The following PAX7 variants were observed in gnomAD, a reference collection of about 807,000 sequenced individuals.
PAX7 encodes the protein paired box protein Pax-7.
PAX7 carries 18 observed loss-of-function variants against 50.7 expected under a neutral mutation model. That is an observed-to-expected ratio of 0.36 (90% CI 0.25 to 0.53). The LOEUF (loss-of-function observed/expected upper bound fraction) is 0.53, where lower values mean the gene tolerates loss of function less well. Ranked by LOEUF, PAX7 falls within the 20% of genes least tolerant of loss-of-function variation. The pLI, the probability that PAX7 is intolerant of heterozygous loss-of-function variation, is 0.93. For synonymous variants in PAX7, 310 were observed against 290.4 expected (o/e 1.07, Z -0.69); for missense variants, 644 against 702.9 (o/e 0.92, Z 0.95).
rs2088969264 is a variant in PAX7, at chr1:18,686,024, C to T, written c.587-5730C>T. Among the ~76,000 whole-genome samples, 3 of 152,234 alleles carry T rather than the reference C, an allele frequency of 2.0e-5. No individual in the cohort carries two copies. In the South Asian group the frequency reaches 6.2e-4, roughly 32 times the overall value. On this transcript the variant is annotated intron_variant, in intron 4 of 8. Coordinates refer to ENST00000420770, the MANE Select transcript of PAX7 (RefSeq NM_001135254.2). ...TTGACAACGCAAATGGCTCCCAGCA[C>T]CTTCCGCCCCTCATTCTGTCCTAAG... is the stretch of plus-strand genomic sequence containing the variant.
chr1:18,660,284 C>A (rs1339050275), intron 4 of PAX7, among the ~76,000 whole-genome samples: 1 of 152,148 alleles, frequency 6.6e-6, no homozygotes, highest in East Asian at 1.9e-4. Context: ...ACAGGTGACA[C>A]CACTCCAACC....
chr1:18,635,682 C>T (rs2088142891), intron 3 of PAX7, among the ~76,000 whole-genome samples: 1 of 152,048 alleles, frequency 6.6e-6, no homozygotes, highest in Non-Finnish European at 1.5e-5. Flanking sequence ...AGGGTGGATG[C>T]CCATGGGCTT....
intron 4 of PAX7, among the ~76,000 whole-genome samples, chr1:18,663,963 G>A (rs1428580128): frequency 7.2e-5 from 11 of 152,194 alleles, no homozygotes; most frequent in Non-Finnish European, 1.5e-4. Context: ...AAGCACAGAG[G>A]TGAAATGGGG....
intron 4 of PAX7, among the ~76,000 whole-genome samples, chr1:18,653,444 T>C (rs1557511104): frequency 1.3e-5 from 2 of 152,172 alleles, no homozygotes. Context: ...GGTTTGTGGT[T>C]AGACTTGGGG....
At chr1:18,714,238 T>TAAATAAATAAAC (rs1229915522) in intron 7 of PAX7, among the ~76,000 whole-genome samples, 211 of 150,996 alleles carry the variant, frequency 1.4e-3, no homozygotes, top group Non-Finnish European at 2.6e-3. Flanking sequence ...AATAAATAAA[T>TAAATAAATAAAC]ATACAAAAAC....
In PAX7 at chr1:18,748,730, C is replaced by A. The variant is rs1252573119; in HGVS notation, c.*3801C>A. 2 of 231,106 alleles carry A rather than the reference C, an allele frequency of 8.7e-6. No individual in the cohort carries two copies. Among genetic ancestry groups the A allele is most frequent in the Admixed American group, 5.7e-5 (1 of 17,682 alleles). 14.3% of individuals were successfully genotyped at this position (231,106 alleles called of 1,614,324 possible). On this transcript the variant is annotated 3_prime_UTR_variant, in exon 9 of 9. Coordinates refer to ENST00000420770, the MANE Select transcript of PAX7 (RefSeq NM_001135254.2). ...CGTGAGGTGTGTGTTTAAATATAAT[C>A]ACACCATAATTTATTCAGCTATATG...
chr1:18,660,949 G>GTT (rs1257608314), intron 4 of PAX7, among the ~76,000 whole-genome samples: 2 of 152,162 alleles, frequency 1.3e-5, no homozygotes, highest in East Asian at 1.9e-4. Flanking sequence ...GCTCGTTAGG[G>GTT]TTTTGTAAGG....
intron 7 of PAX7, among the ~76,000 whole-genome samples, chr1:18,733,379 C>CA (rs1226168881): frequency 2.0e-5 from 3 of 152,178 alleles, no homozygotes; most frequent in Non-Finnish European, 4.4e-5. Context: ...AGACCCTCCC[C>CA]AGCCCAGCCT....
At position 18,695,577 on chromosome 1, in the gene PAX7, G is replaced by C. The variant is rs146504453; in HGVS notation, c.786+3624G>C. Among the ~76,000 whole-genome samples, 394 of 152,330 alleles carry C rather than the reference G, an allele frequency of 2.6e-3. 4 individuals carry two copies. The highest frequency in any genetic ancestry group is 0.014 in the South Asian group (66 of 4,830). ...AGCCTCTGCTTGAAGCCTGCTAGATGTTACCAGTGCCTGTAACACCTCTGC... is the reference window on the plus strand; with the variant it reads ...AGCCTCTGCTTGAAGCCTGCTAGATCTTACCAGTGCCTGTAACACCTCTGC... On this transcript the variant is annotated intron_variant, in intron 5 of 8. Coordinates refer to ENST00000420770, the MANE Select transcript of PAX7 (RefSeq NM_001135254.2).
At chr1:18,694,915 A>G (rs952869159) in intron 5 of PAX7, among the ~76,000 whole-genome samples, 1 of 149,692 alleles carries the variant, frequency 6.7e-6, no homozygotes, top group African/African-American at 2.4e-5. Context: ...TCTTTGAGTT[A>G]TGACCTCAAA....
intron 7 of PAX7, among the ~76,000 whole-genome samples, chr1:18,719,430 C>T (rs570839183): frequency 1.3e-5 from 2 of 152,320 alleles, no homozygotes; most frequent in African/African-American, 2.4e-5. Context: ...AGACAGTGTG[C>T]GCTCTCGGAA....
chr1:18,735,822 C>T lies in PAX7; in HGVS notation c.1346C>T (p.Thr449Ile). ...SQAYCPPTYS[T>I]TGYSVDPVAG... ...GCCTACTGCCCACCCACCTACAGCA[C>T]CACCGGCTACAGCGTGGACCCCGTG... Residue 449 changes from threonine to isoleucine, a missense_variant, in exon 8 of 9, where the codon ACC (threonine) becomes ATC (isoleucine). Transcript: ENST00000420770. This position sits in a 1 kb window ranked among gnomAD's most constrained non-coding sequence, Gnocchi z 4.0. 1.9e-6 allele frequency: 3 copies of T among 1,614,156 alleles called. No homozygotes were observed. Among genetic ancestry groups the T allele is most frequent in the African/African-American group, 1.3e-5 (1 of 75,060 alleles).
chr1:18,674,266 G>A (rs1446740943), intron 4 of PAX7, among the ~76,000 whole-genome samples: 1 of 152,222 alleles, frequency 6.6e-6, no homozygotes, highest in Non-Finnish European at 1.5e-5. Context: ...TTCAAGAGGG[G>A]AGGCTGGAAG....
chr1:18,722,431 TG>T (rs2100372284), intron 7 of PAX7, among the ~76,000 whole-genome samples: 1 of 152,328 alleles, frequency 6.6e-6, no homozygotes, highest in East Asian at 1.9e-4. Flanking sequence ...CTTGTTTGTT[TG>T]GTACGTCAAT....
intron 4 of PAX7, among the ~76,000 whole-genome samples, chr1:18,673,565 CA>C (rs1488116495): frequency 3.9e-5 from 6 of 152,092 alleles, no homozygotes; most frequent in Non-Finnish European, 8.8e-5. Flanking sequence ...GGGCTCAGAG[CA>C]ATAATTGTCC....
rs903409053 is a variant in PAX7, at chr1:18,745,684, AG to A, written c.*757del. On this transcript the variant is annotated 3_prime_UTR_variant, in exon 9 of 9. Transcript: ENST00000420770. ...CAGCCGTGGGCCCGCCCAGGATACA[AG>A]GACCCAACTCAGGCTTCTGGAAGCA... 8.7e-6 allele frequency: 2 copies of A among 230,904 alleles called. No homozygotes were observed. The highest frequency in any genetic ancestry group is 4.4e-5 in the African/African-American group (2 of 45,226). 14.3% of individuals were successfully genotyped at this position (230,904 alleles called of 1,614,324 possible). A position where few individuals can be genotyped will look rare whatever the true frequency, so the allele number is the denominator to read the frequency against.
chr1:18,725,312 C>CG (rs113830826), intron 7 of PAX7, among the ~76,000 whole-genome samples: 1 of 45,082 alleles, frequency 2.2e-5, no homozygotes, highest in Non-Finnish European at 4.3e-5. Flanking sequence ...GCCCCCCCCC[C>CG]GCCCCACCAA....
intron 7 of PAX7, among the ~76,000 whole-genome samples, chr1:18,709,230 G>A (rs1461898657): frequency 6.6e-6 from 1 of 152,062 alleles, no homozygotes; most frequent in Non-Finnish European, 1.5e-5. Context: ...ATCCTTGGCT[G>A]GGGTCTGGAG....
chr1:18,648,226 T>A (rs2088375945), intron 4 of PAX7, among the ~76,000 whole-genome samples: 1 of 151,458 alleles, frequency 6.6e-6, no homozygotes, highest in South Asian at 2.1e-4. Context: ...CAACCACAGC[T>A]GTTTTCCCCA....
Sources: gnomAD v4.1 joint callset for allele counts (sites outside exome capture counted in the v4.1 genomes callset) on GRCh38, gnomAD v4.1.1 for gene constraint, Gnocchi (gnomAD v3.1) non-coding constraint, MANE v1.5 for transcripts, NCBI Gene and HGNC (gene_info 2026-07-23, HGNC 2026-07-21) for gene names.